The following APOH variants were observed in gnomAD, a reference collection of about 807,000 sequenced individuals.
The protein encoded by APOH is apolipoprotein H.
A neutral mutation model predicts 39.8 loss-of-function variants in APOH; 48 were observed. The ratio of observed to expected loss-of-function variants is 1.21; its 90% CI spans 0.96 to 1.54. The LOEUF is 1.54. Among genes scored for constraint, APOH ranks in the 40% most tolerant of loss-of-function variants. The pLI is 0.00. For synonymous variants in APOH, 153 were observed against 151.1 expected (o/e 1.01, Z -0.09); for missense variants, 415 against 421.2 (o/e 0.99, Z 0.13).
intron 2 of APOH, among the ~76,000 whole-genome samples, chr17:66,227,783 T>A (rs1344015235): frequency 6.6e-6 from 1 of 152,172 alleles, no homozygotes; most frequent in Non-Finnish European, 1.5e-5. Context: ...CCAGATCTCA[T>A]TTTTAAACCT....
intron 3 of APOH, among the ~76,000 whole-genome samples, chr17:66,225,281 C>T (rs191454997): frequency 1.3e-5 from 2 of 152,138 alleles, no homozygotes; most frequent in African/African-American, 2.4e-5. Flanking sequence ...GCCTTTGCTC[C>T]TTATGAGTCT....
intron 6 of APOH, among the ~76,000 whole-genome samples, chr17:66,215,354 C>A (rs188893242): frequency 3.3e-5 from 5 of 152,218 alleles, no homozygotes; most frequent in African/African-American, 1.2e-4. Context: ...AGGCCCCATC[C>A]CAGATCTACC....
In APOH at chr17:66,220,647, C is replaced by G; in HGVS notation, c.511G>C (p.Val171Leu). Residue 171 changes from valine (V) to leucine (L), a missense_variant, in exon 5 of 8, where the codon GTT (valine) becomes CTT (leucine). Val to Leu is a conservative substitution (Grantham distance 32, BLOSUM62 1). Coordinates refer to ENST00000205948, the MANE Select transcript of APOH (RefSeq NM_000042.3). The part of the protein sequence containing the change: ...GNNSLYRDTA[V>L]FECLPQHAMF... ...GCATGTTGTGGCAAACATTCAAAAA[C>G]TGCTGTGTCCCGATAGAGGGAATTG... 6.2e-7 allele frequency: 1 copy of G among 1,614,112 alleles called. No homozygotes were observed.
intron 5 of APOH, among the ~76,000 whole-genome samples, chr17:66,219,540 G>T (rs1026878119): frequency 1.4e-4 from 22 of 152,300 alleles, no homozygotes; most frequent in Admixed American, 7.2e-4. Flanking sequence ...GTTATTGGTA[G>T]CTCCTCCATG....
chr17:66,213,691 A>C (rs1451606704), intron 7 of APOH, among the ~76,000 whole-genome samples: 2 of 152,182 alleles, frequency 1.3e-5, no homozygotes, highest in Non-Finnish European at 2.9e-5. Flanking sequence ...TAATCCTGGC[A>C]CTTTGGGAGA....
At chr17:66,224,753 G>C (rs1271642091) in intron 3 of APOH, among the ~76,000 whole-genome samples, 1 of 148,784 alleles carries the variant, frequency 6.7e-6, no homozygotes, top group Non-Finnish European at 1.5e-5. Context: ...GAAAGGAAAG[G>C]AAAGGAAAGG....
chr17:66,221,266 A>G (rs868390780), intron 4 of APOH, among the ~76,000 whole-genome samples: 1,927 of 120,512 alleles, frequency 0.016, 34 homozygotes, highest in Non-Finnish European at 0.024. Context: ...AGAGAGAAAG[A>G]AAGGAAGGAA....
At chr17:66,217,020 G>A (rs1342188885) in intron 5 of APOH, 53 bp from the exon 6 acceptor site, 1 of 1,393,008 alleles carries the variant, frequency 7.2e-7, no homozygotes, top group Non-Finnish European at 9.6e-7. Flanking sequence ...CTATCCAATA[G>A]TCATGAAATA....
Position 66,223,378 on chromosome 17 carries a change from C to G in APOH, c.415+320G>C, listed in dbSNP as rs1325097212. Among the ~76,000 whole-genome samples, 7 of 152,210 alleles carry G rather than the reference C, an allele frequency of 4.6e-5. No individual in the cohort carries two copies. The East Asian group carries it at 7.7e-4, about 17-fold the overall frequency. On this transcript the variant is annotated intron_variant, in intron 4 of 7. Coordinates refer to ENST00000205948, the MANE Select transcript of APOH (RefSeq NM_000042.3). ...TAAGTGGTGACAGTCCCTGATATAC[C>G]AATGCCACACATATCCAAGCCACTT...
intron 1 of APOH, chr17:66,228,742 A>C (rs913482200): frequency 6.6e-6 from 1 of 150,666 alleles, no homozygotes; most frequent in Non-Finnish European, 1.5e-5. Context: ...CGGAGCTTGC[A>C]GTGAGCCGAG....
intron 6 of APOH, among the ~76,000 whole-genome samples, chr17:66,215,454 G>A (rs556955993): frequency 5.3e-5 from 8 of 152,198 alleles, no homozygotes; most frequent in East Asian, 1.9e-4. Flanking sequence ...TTTGAGAACC[G>A]GTGCCTTACC....
At chr17:66,227,375 T>C (rs1488168373) in intron 2 of APOH, among the ~76,000 whole-genome samples, 6 of 152,194 alleles carry the variant, frequency 3.9e-5, no homozygotes, top group African/African-American at 1.4e-4. Context: ...CTTCTACATA[T>C]AATTAAATGT....
At chr17:66,222,224 C>T (rs1009728264) in intron 4 of APOH, among the ~76,000 whole-genome samples, 16 of 151,652 alleles carry the variant, frequency 1.1e-4, no homozygotes, top group Non-Finnish European at 1.8e-4. Flanking sequence ...CCTGTCTCCA[C>T]CAAAATTTTT....
chr17:66,228,070 A>C lies in APOH; in HGVS notation c.191T>G (p.Phe64Cys), dbSNP rs368674146. The C allele has an allele frequency of 6.2e-7, 1 of 1,614,166 alleles. No homozygotes were observed. Among genetic ancestry groups the C allele is most frequent in the Non-Finnish European group, 8.5e-7 (1 of 1,180,024 alleles). ...CCACAGTCCTGTGAGAGGGCAGATA[A>C]ACTTTCTCATCCCTCCTCGGGACAC... ...GYVSRGGMRK[F>C]ICPLTGLWPI... is the part of the protein sequence containing the mutation. Residue 64 changes from phenylalanine to cysteine, a missense_variant, in exon 2 of 8, where the codon TTT becomes TGT. Coordinates refer to ENST00000205948, the MANE Select transcript of APOH (RefSeq NM_000042.3).
rs8178924 is a variant in APOH, at chr17:66,221,184, C to T, written c.416-442G>A. On this transcript the variant is annotated intron_variant, in intron 4 of 7. Coordinates refer to ENST00000205948, the MANE Select transcript of APOH (RefSeq NM_000042.3). The stretch of plus-strand genomic sequence containing the variant: ...CTCCAGCCTGGGCAACAGAGTGAGT[C>T]TGTCTCAGAAAAGAGAAAGAAAGAA... Among the ~76,000 whole-genome samples, 120 of 147,752 alleles carry T rather than the reference C, an allele frequency of 8.1e-4. 1 individual carries two copies. The highest frequency in any genetic ancestry group is 2.9e-3 in the African/African-American group (116 of 39,824).
chr17:66,220,558 G>A lies in APOH; in HGVS notation c.600C>T (p.Cys200=). Residue 200 remains cysteine, a synonymous_variant, in exon 5 of 8, where the codon TGC becomes TGT. Coordinates refer to ENST00000205948, the MANE Select transcript of APOH (RefSeq NM_000042.3). The stretch of plus-strand genomic sequence containing the variant: ...TTGTCTGATCATTGCACTTACCCCT[G>A]CATTCTGGTAATTTAGTCCAATTTC... ...THGNWTKLPE[C]REVKCPFPSR... is the part of the protein sequence containing the mutation. The A allele has an allele frequency of 6.2e-7, 1 of 1,613,838 alleles. No individual in the cohort carries two copies.
intron 4 of APOH, among the ~76,000 whole-genome samples, chr17:66,221,690 G>T (rs183737607): frequency 2.0e-5 from 3 of 152,222 alleles, no homozygotes; most frequent in Admixed American, 6.5e-5. Flanking sequence ...TGTTTCTGCT[G>T]AATACCTCCC....
chr17:66,215,701 A>C (rs1248647008), intron 6 of APOH, among the ~76,000 whole-genome samples: 2 of 152,132 alleles, frequency 1.3e-5, no homozygotes. Flanking sequence ...CACTGATGGG[A>C]TCAAGGGTAG....
chr17:66,218,780 C>A (rs990200211), intron 5 of APOH, among the ~76,000 whole-genome samples: 7 of 152,100 alleles, frequency 4.6e-5, no homozygotes, highest in Non-Finnish European at 7.4e-5. Flanking sequence ...GAGGCTGAGG[C>A]AGGCGGATCA....
Sources: allele counts gnomAD v4.1 joint callset (sites outside exome capture counted in the v4.1 genomes callset), GRCh38; gene constraint gnomAD v4.1.1; transcripts MANE v1.5; gene names NCBI Gene and HGNC (gene_info 2026-07-23, HGNC 2026-07-21).